The following PCDHGB7 variants were observed in gnomAD, a reference collection of about 807,000 sequenced individuals.
The protein encoded by PCDHGB7 is protocadherin gamma-B7.
In PCDHGB7, 37 loss-of-function variants were observed where a neutral mutation model predicts 61.4. That is an observed-to-expected ratio of 0.60 (90% CI 0.46 to 0.79). PCDHGB7 has a LOEUF of 0.79. PCDHGB7 is among the 30% of genes least tolerant of loss of function. The pLI is 0.00. For missense variants in PCDHGB7, 1,166 were observed against 1,202.5 expected (o/e 0.97, Z 0.45); for synonymous variants, 464 against 503.5 (o/e 0.92, Z 1.05).
rs56854727 is a variant in PCDHGB7, at chr5:141,438,635, TACACACAC to T, written c.2415+18371_2415+18378del. ...ATATATATATATATATATATATATA[TACACACAC>T]ACACACACATATATGTATATATATA... On this transcript the variant is annotated intron_variant, in intron 1 of 3. Transcript: ENST00000398594. Among the ~76,000 whole-genome samples, 72 of 33,376 alleles carry T rather than the reference TACACACAC, an allele frequency of 2.2e-3. 1 individual carries two copies. Among genetic ancestry groups the T allele is most frequent in the Non-Finnish European group, 3.0e-3 (57 of 18,970 alleles). The allele number at this position is 33,376 out of a possible 152,430, so 21.9% of individuals were successfully genotyped here.
intron 1 of PCDHGB7, among the ~76,000 whole-genome samples, chr5:141,450,062 A>G (rs546772416): frequency 1.1e-4 from 15 of 142,322 alleles, no homozygotes; most frequent in African/African-American, 4.0e-4. Flanking sequence ...GCTGGAATGC[A>G]GTGGTATGAT....
chr5:141,502,634 T>C (rs1306951640), intron 2 of PCDHGB7, among the ~76,000 whole-genome samples: 1 of 152,228 alleles, frequency 6.6e-6, no homozygotes. Flanking sequence ...CTGTGGATGA[T>C]ACTTTGAGAT....
chr5:141,440,667 T>C (rs1330266877), intron 1 of PCDHGB7: 1 of 152,218 alleles, frequency 6.6e-6, no homozygotes, highest in East Asian at 1.9e-4. Context: ...GCAGCAACTC[T>C]ATATTTCTCT....
At chr5:141,450,211 T>TTTCA (rs1038674129) in intron 1 of PCDHGB7, among the ~76,000 whole-genome samples, 23 of 152,166 alleles carry the variant, frequency 1.5e-4, no homozygotes, top group African/African-American at 4.3e-4. Flanking sequence ...AGAGACAAGG[T>TTTCA]TTCACTATGT....
intron 2 of PCDHGB7, among the ~76,000 whole-genome samples, chr5:141,502,866 C>CTTTTT (rs549047197): frequency 1.6e-5 from 2 of 128,044 alleles, no homozygotes; most frequent in Non-Finnish European, 1.6e-5. Flanking sequence ...GACTCTCTGT[C>CTTTTT]TTTTTTTTTT....
rs773522759 is a variant in PCDHGB7, at chr5:141,419,457, A to G, written c.1598A>G (p.Gln533Arg). The G allele has an allele frequency of 7.4e-6, 12 of 1,612,610 alleles. No homozygotes were observed. The South Asian group carries it at 1.3e-4, about 18-fold the overall frequency. Residue 533 changes from glutamine to arginine, a missense_variant, in exon 1 of 4, where the codon CAG becomes CGG. By Grantham distance (43) the Gln-to-Arg change is conservative. Transcript: ENST00000398594. ...EQLRTFELTL[Q>R]ARDQGSPALS... ...CTGCGCACCTTCGAGCTCACGCTGC[A>G]GGCCCGCGACCAGGGCTCGCCCGCG...
chr5:141,427,985 C>A (rs747784722), intron 1 of PCDHGB7: 23 of 1,597,524 alleles, frequency 1.4e-5, no homozygotes, highest in Non-Finnish European at 1.9e-5. Context: ...CGCTGGGGCC[C>A]GATGGCTCCG....
At position 141,418,654 on chromosome 5, in the gene PCDHGB7, G is replaced by C. The variant is rs2096278227; in HGVS notation, c.795G>C (p.Lys265Asn). The C allele has an allele frequency of 6.2e-7, 1 of 1,614,016 alleles. No homozygotes were observed. Among genetic ancestry groups the C allele is most frequent in the African/African-American group, 1.3e-5 (1 of 75,062 alleles). ...CAGGCACCTCCATCCTGAGAGTGAAGGCCACTGACCAGGACGAGGGCATCA... is the reference window on the plus strand; with the variant it reads ...CAGGCACCTCCATCCTGAGAGTGAACGCCACTGACCAGGACGAGGGCATCA... ...VPPGTSILRVKATDQDEGINS... is the reference protein window; with the variant it reads ...VPPGTSILRVNATDQDEGINS... The change falls in exon 1 of 4, where the codon AAG (lysine) becomes AAC (asparagine). Residue 265 changes from lysine (K) to asparagine (N), a missense_variant. Physicochemically the swap from Lys to Asn is moderately conservative, Grantham distance 94 (BLOSUM62 0). Transcript: ENST00000398594.
chr5:141,423,756 GGGGGTGGGGC>G, intron 1 of PCDHGB7: 1 of 448,620 alleles, frequency 2.2e-6, no homozygotes, highest in Non-Finnish European at 3.0e-6. Context: ...TGTTTGGGGG[GGGGGTGGGGC>G]GGCATATATT....
chr5:141,494,316 G>T (rs2099753509), intron 1 of PCDHGB7, among the ~76,000 whole-genome samples: 1 of 152,172 alleles, frequency 6.6e-6, no homozygotes, highest in Admixed American at 6.5e-5. Flanking sequence ...TGCACAACCT[G>T]GCACCAAAAG....
At chr5:141,430,383 G>A (rs527531595) in intron 1 of PCDHGB7, among the ~76,000 whole-genome samples, 74 of 138,604 alleles carry the variant, frequency 5.3e-4, no homozygotes, top group Admixed American at 8.6e-4. Flanking sequence ...AGCTCATTGG[G>A]AAAAAAAAAA....
At chr5:141,442,111 C>G (rs1265830634) in intron 1 of PCDHGB7, 1 of 166,236 alleles carries the variant, frequency 6.0e-6, no homozygotes, top group Non-Finnish European at 1.3e-5. Context: ...CACTACCGCC[C>G]CTCGTCGCCG....
rs777535962 is a variant in PCDHGB7, at chr5:141,431,195, G to T, written c.2415+10921G>T. The T allele has an allele frequency of 1.2e-6, 2 of 1,614,166 alleles. No homozygotes were observed. Among genetic ancestry groups the T allele is most frequent in the East Asian group, 2.2e-5 (1 of 44,890 alleles). On this transcript the variant is annotated intron_variant, in intron 1 of 3. Transcript: ENST00000398594. The surrounding 1 kb of genome is among the most constrained non-coding windows in gnomAD (Gnocchi z 4.8). ...ATTAGAAATAAAAATTAGTGAAAAT[G>T]CAGCCACTGAGATGCGGTTCCCTCT... is the stretch of plus-strand genomic sequence containing the variant.
chr5:141,455,798 T>TA (rs2098831882), intron 1 of PCDHGB7, among the ~76,000 whole-genome samples: 1 of 152,036 alleles, frequency 6.6e-6, no homozygotes, highest in African/African-American at 2.4e-5. Flanking sequence ...GGAGATGCTT[T>TA]AAAAAATGAA....
At chr5:141,507,003 G>A (rs569257489) in intron 3 of PCDHGB7, 3 of 152,342 alleles carry the variant, frequency 2.0e-5, no homozygotes, top group African/African-American at 7.2e-5. Context: ...CGACAGATGA[G>A]AGAACCGAGA....
chr5:141,422,197 G>C, intron 1 of PCDHGB7: 1 of 1,562,284 alleles, frequency 6.4e-7, no homozygotes, highest in Non-Finnish European at 8.6e-7. Flanking sequence ...TCAAGGCCAA[G>C]ATGGTGGAGG....
intron 1 of PCDHGB7, chr5:141,422,953 G>A: frequency 6.2e-7 from 1 of 1,614,232 alleles, no homozygotes; most frequent in Non-Finnish European, 8.5e-7. Context: ...CTCCACTGGC[G>A]TGGAGCTGGC....
rs759576434 is a variant in PCDHGB7 at position 141,432,109 on chromosome 5, G to C, written c.2415+11835G>C. Reference sequence around the variant, plus strand: ...TGGCAGACACCAACGACAACCCGCCGGTCTTCCCTCAGGCCTCCTATTCCG... The same window carrying C: ...TGGCAGACACCAACGACAACCCGCCCGTCTTCCCTCAGGCCTCCTATTCCG... On this transcript the variant is annotated intron_variant, in intron 1 of 3. Transcript: ENST00000398594. The surrounding 1 kb of genome is among the most constrained non-coding windows in gnomAD (Gnocchi z 6.0). 9 of 1,613,972 alleles carry C rather than the reference G, an allele frequency of 5.6e-6. No homozygotes were observed. In the African/African-American group the frequency reaches 9.3e-5, roughly 17 times the overall value.
intron 1 of PCDHGB7, among the ~76,000 whole-genome samples, chr5:141,438,591 CAT>C (rs946798767): frequency 2.9e-3 from 219 of 75,538 alleles, no homozygotes; most frequent in Middle Eastern, 0.016. Context: ...TACATACATA[CAT>C]ATATATATAT....
Sources: gnomAD v4.1 joint callset for allele counts (sites outside exome capture counted in the v4.1 genomes callset) on GRCh38, gnomAD v4.1.1 for gene constraint, Gnocchi (gnomAD v3.1) non-coding constraint, MANE v1.5 for transcripts, NCBI Gene and HGNC (gene_info 2026-07-23, HGNC 2026-07-21) for gene names.